The following RNGTT variants were observed in gnomAD, a reference collection of about 807,000 sequenced individuals.
RNGTT encodes RNA guanylyltransferase and 5'-phosphatase.
RNGTT carries 33 observed loss-of-function variants against 79.3 expected under a neutral mutation model. The observed-to-expected ratio is 0.42, with a 90% CI of 0.32 to 0.56. RNGTT has a LOEUF of 0.56. Among genes scored for constraint, RNGTT ranks in the 20% least tolerant of loss-of-function variants. The pLI, the probability that RNGTT is intolerant of heterozygous loss-of-function variation, is 0.17. For synonymous variants in RNGTT, 222 were observed against 235.9 expected, an observed-to-expected ratio of 0.94 and a Z score of 0.54; for missense variants, 497 against 739.1, an observed-to-expected ratio of 0.67 and a Z score of 3.80.
At chr6:88,613,030 T>C in intron 15 of RNGTT, 148 bp from the exon 16 acceptor site, 2 of 672,442 alleles carry the variant, frequency 3.0e-6, no homozygotes, top group East Asian at 2.9e-5. Context: ...AACTATCTCC[T>C]CCCTACCCTA....
intron 12 of RNGTT, among the ~76,000 whole-genome samples, chr6:88,779,731 G>T (rs995515644): frequency 2.0e-5 from 3 of 152,118 alleles, no homozygotes. Flanking sequence ...AGTGGCTCAC[G>T]TCTGTAATCC....
At chr6:88,851,552 T>C (rs1781673666) in intron 9 of RNGTT, among the ~76,000 whole-genome samples, 3 of 152,040 alleles carry the variant, frequency 2.0e-5, no homozygotes, top group African/African-American at 7.2e-5. Flanking sequence ...CAATATTAAG[T>C]TGATTAAATT....
chr6:88,769,171 C>A (rs960086373), intron 13 of RNGTT, among the ~76,000 whole-genome samples: 1 of 151,596 alleles, frequency 6.6e-6, no homozygotes, highest in African/African-American at 2.4e-5. Context: ...GGGAGGTGTG[C>A]GGCGGGGGAA....
intron 11 of RNGTT, among the ~76,000 whole-genome samples, chr6:88,842,689 A>AT (rs1324204237): frequency 6.6e-6 from 1 of 152,228 alleles, no homozygotes; most frequent in Non-Finnish European, 1.5e-5. Flanking sequence ...AGAACATAAT[A>AT]TAAAAACATT....
intron 14 of RNGTT, among the ~76,000 whole-genome samples, chr6:88,633,064 T>G (rs918043244): frequency 1.3e-5 from 2 of 152,234 alleles, no homozygotes; most frequent in African/African-American, 4.8e-5. Flanking sequence ...AAATTTCAGA[T>G]AGCATTTTTC....
intron 12 of RNGTT, among the ~76,000 whole-genome samples, chr6:88,800,687 G>A (rs941878352): frequency 3.9e-5 from 6 of 152,196 alleles, no homozygotes; most frequent in African/African-American, 1.2e-4. Context: ...TACTCAATAG[G>A]TGTGGGGCTG....
At chr6:88,861,917 A>G (rs1009105095) in intron 8 of RNGTT, among the ~76,000 whole-genome samples, 3 of 152,108 alleles carry the variant, frequency 2.0e-5, no homozygotes, top group Admixed American at 1.3e-4. Context: ...TAGTATATAT[A>G]CATAATAAGT....
intron 1 of RNGTT, among the ~76,000 whole-genome samples, chr6:88,944,784 CTG>C (rs1259008293): frequency 1.3e-5 from 2 of 152,102 alleles, no homozygotes; most frequent in African/African-American, 4.8e-5. Flanking sequence ...TTCTCTATAA[CTG>C]TGCATAATTT....
chr6:88,951,547 G>C (rs12173779), intron 1 of RNGTT, among the ~76,000 whole-genome samples: 40,982 of 152,072 alleles, frequency 0.27, 6,652 homozygotes, highest in African/African-American at 0.45. Flanking sequence ...AAAGAAGCCA[G>C]ACAGTGCTGT....
intron 14 of RNGTT, among the ~76,000 whole-genome samples, chr6:88,653,413 G>A (rs576334397): frequency 1.3e-5 from 2 of 152,196 alleles, no homozygotes; most frequent in East Asian, 3.9e-4. Context: ...AAAAGTCATC[G>A]AAATTTCCAG....
chr6:88,958,928 T>A (rs1217263434), intron 1 of RNGTT, among the ~76,000 whole-genome samples: 1 of 152,174 alleles, frequency 6.6e-6, no homozygotes, highest in Non-Finnish European at 1.5e-5. Flanking sequence ...GCAGCACAAT[T>A]TGCAATTGCA....
chr6:88,668,165 T>C (rs1183243032), intron 14 of RNGTT, among the ~76,000 whole-genome samples: 1 of 152,062 alleles, frequency 6.6e-6, no homozygotes, highest in East Asian at 1.9e-4. Flanking sequence ...GATCAAAGAC[T>C]GGAACATAGC....
intron 2 of RNGTT, among the ~76,000 whole-genome samples, chr6:88,939,308 T>A (rs375476755): frequency 2.6e-5 from 4 of 152,310 alleles, no homozygotes; most frequent in East Asian, 1.9e-4. Flanking sequence ...TAGCATTTTA[T>A]CTTTATTTTT....
chr6:88,895,229 C>CTG (rs5878081), intron 6 of RNGTT, among the ~76,000 whole-genome samples: 32,139 of 144,912 alleles, frequency 0.22, 3,901 homozygotes, highest in East Asian at 0.37. Context: ...AGAGAGAGCT[C>CTG]TGTGTGTGTG....
chr6:88,643,011 TAC>T (rs1773383080), intron 14 of RNGTT, among the ~76,000 whole-genome samples: 1 of 152,166 alleles, frequency 6.6e-6, no homozygotes, highest in East Asian at 1.9e-4. Flanking sequence ...TGACTTACAA[TAC>T]AGTTACATCC....
chr6:88,654,294 A>AT (rs1333939317), intron 14 of RNGTT, among the ~76,000 whole-genome samples: 1 of 152,138 alleles, frequency 6.6e-6, no homozygotes, highest in Non-Finnish European at 1.5e-5. Context: ...TTTCCTCATC[A>AT]TTAAGAGTAT....
intron 13 of RNGTT, among the ~76,000 whole-genome samples, chr6:88,684,185 C>A (rs950711201): frequency 6.6e-6 from 1 of 152,114 alleles, no homozygotes; most frequent in African/African-American, 2.4e-5. Context: ...CACTAAGATA[C>A]TACAACACAC....
chr6:88,875,076 C>T (rs2127923478), intron 8 of RNGTT, among the ~76,000 whole-genome samples: 1 of 151,986 alleles, frequency 6.6e-6, no homozygotes, highest in Admixed American at 6.5e-5. Flanking sequence ...CTAAAGCTTA[C>T]AGTAGCTTAA....
At chr6:88,680,507 C>T (rs948125894) in intron 13 of RNGTT, among the ~76,000 whole-genome samples, 5 of 151,720 alleles carry the variant, frequency 3.3e-5, no homozygotes, top group Non-Finnish European at 5.9e-5. Flanking sequence ...TTTGGGAAGC[C>T]GAGGAGGGGG....
Sources: allele counts gnomAD v4.1 joint callset (sites outside exome capture counted in the v4.1 genomes callset), GRCh38; gene constraint gnomAD v4.1.1; transcripts MANE v1.5; gene names NCBI Gene and HGNC (gene_info 2026-07-23, HGNC 2026-07-21).